Variants in GREM2 observed in about 807,000 individuals in gnomAD.
The protein encoded by GREM2 is gremlin-2.
In GREM2, 11 loss-of-function variants were observed where a neutral mutation model predicts 14.2. That is an observed-to-expected ratio of 0.78 (90% CI 0.49 to 1.28). The LOEUF is 1.28. Ranked by LOEUF, GREM2 falls within the 50% of genes most tolerant of loss-of-function variation. The pLI is 0.00. For synonymous variants in GREM2, 98 were observed against 97.6 expected (o/e 1.00, Z -0.02); for missense variants, 210 against 218.5 (o/e 0.96, Z 0.24).
intron 1 of GREM2, among the ~76,000 whole-genome samples, chr1:240,608,455 C>G (rs112847574): frequency 6.6e-6 from 1 of 152,110 alleles, no homozygotes; most frequent in South Asian, 2.1e-4. Flanking sequence ...ATCCAGGGTT[C>G]GTGTTATAAT....
At chr1:240,497,791 A>G (rs1255133605) in intron 1 of GREM2, among the ~76,000 whole-genome samples, 4 of 152,166 alleles carry the variant, frequency 2.6e-5, no homozygotes, top group African/African-American at 9.7e-5. Flanking sequence ...CAGCTGGCTC[A>G]GGCCAAGTGT....
At chr1:240,609,456 G>C (rs1680090967) in intron 1 of GREM2, among the ~76,000 whole-genome samples, 1 of 151,806 alleles carries the variant, frequency 6.6e-6, no homozygotes, top group Non-Finnish European at 1.5e-5. Flanking sequence ...AGAAACAAAA[G>C]AACTATCAAG....
intron 1 of GREM2, among the ~76,000 whole-genome samples, chr1:240,539,321 C>T (rs1678539942): frequency 6.6e-6 from 1 of 152,156 alleles, no homozygotes; most frequent in African/African-American, 2.4e-5. Context: ...CCCAACCAGC[C>T]AGGATTTTAT....
At chr1:240,589,447 AAAAAAAAAG>A (rs1358059603) in intron 1 of GREM2, among the ~76,000 whole-genome samples, 1 of 130,790 alleles carries the variant, frequency 7.6e-6, no homozygotes, top group African/African-American at 3.4e-5. Flanking sequence ...GAAAAAAAGA[AAAAAAAAAG>A]AAAAAAAAGA....
At chr1:240,504,560 C>T (rs1481828405) in intron 1 of GREM2, among the ~76,000 whole-genome samples, 1 of 152,100 alleles carries the variant, frequency 6.6e-6, no homozygotes, top group East Asian at 1.9e-4. Context: ...GTGATAGCTC[C>T]CATCCAACCC....
chr1:240,604,858 G>A (rs1401582704), intron 1 of GREM2, among the ~76,000 whole-genome samples: 2 of 152,192 alleles, frequency 1.3e-5, no homozygotes, highest in East Asian at 3.8e-4. Context: ...GGAATAAATA[G>A]TAACTTCTCT....
chr1:240,534,692 C>CAAA (rs5782153), intron 1 of GREM2, among the ~76,000 whole-genome samples: 34 of 115,412 alleles, frequency 2.9e-4, no homozygotes, highest in Non-Finnish European at 5.0e-4. Context: ...GACTCCATCT[C>CAAA]AAAAAAAAAA....
intron 1 of GREM2, among the ~76,000 whole-genome samples, chr1:240,507,267 GCCTGCCTTCCTGCCTTCCTCCCTCCCTC>G (rs1677696663): frequency 6.6e-6 from 1 of 151,878 alleles, no homozygotes. Flanking sequence ...ATTCCTTCCT[GCCTGCCTTCCTGCCTTCCTCCCTCCCTC>G]CCTCCCTTCC....
At chr1:240,592,318 C>T (rs1679730039) in intron 1 of GREM2, among the ~76,000 whole-genome samples, 1 of 151,860 alleles carries the variant, frequency 6.6e-6, no homozygotes, top group Admixed American at 6.6e-5. Flanking sequence ...TTTATTGTGC[C>T]AGTGGACACA....
intron 1 of GREM2, among the ~76,000 whole-genome samples, chr1:240,581,594 A>T (rs989853155): frequency 1.3e-5 from 2 of 152,210 alleles, no homozygotes; most frequent in Non-Finnish European, 2.9e-5. Flanking sequence ...CAAATCAATA[A>T]ATAATTTCTA....
chr1:240,537,282 A>C (rs1678494158), intron 1 of GREM2, among the ~76,000 whole-genome samples: 1 of 152,222 alleles, frequency 6.6e-6, no homozygotes, highest in African/African-American at 2.4e-5. Flanking sequence ...AAAATTAGTT[A>C]TCTTTCTTTG....
intron 1 of GREM2, among the ~76,000 whole-genome samples, chr1:240,539,050 T>A (rs1414646913): frequency 1.3e-5 from 2 of 152,304 alleles, no homozygotes; most frequent in East Asian, 3.9e-4. Flanking sequence ...AGACACCATC[T>A]CATGCTTATA....
At chr1:240,601,630 G>A (rs1003985723) in intron 1 of GREM2, among the ~76,000 whole-genome samples, 3 of 152,136 alleles carry the variant, frequency 2.0e-5, no homozygotes, top group Non-Finnish European at 2.9e-5. Flanking sequence ...TGTTAGGCCC[G>A]GCACGGTGGC....
chr1:240,516,827 T>C (rs1414520581), intron 1 of GREM2, among the ~76,000 whole-genome samples: 1 of 152,192 alleles, frequency 6.6e-6, no homozygotes, highest in African/African-American at 2.4e-5. Context: ...TTGTTACTAC[T>C]GTTATCATGC....
At chr1:240,503,029 A>G (rs541766349) in intron 1 of GREM2, among the ~76,000 whole-genome samples, 1 of 152,318 alleles carries the variant, frequency 6.6e-6, no homozygotes, top group South Asian at 2.1e-4. Flanking sequence ...GTGGTTAGGC[A>G]AGGATGTGAT....
intron 1 of GREM2, among the ~76,000 whole-genome samples, chr1:240,606,677 C>CT (rs1261199860): frequency 0.052 from 6,836 of 131,304 alleles, 378 homozygotes; most frequent in African/African-American, 0.13. Context: ...TGAAACAGTT[C>CT]TTTTTTTTTT....
chr1:240,515,913 G>C (rs930687791), intron 1 of GREM2, among the ~76,000 whole-genome samples: 11 of 152,128 alleles, frequency 7.2e-5, no homozygotes, highest in Non-Finnish European at 1.3e-4. Context: ...AAACCACAGA[G>C]TTAATGCTAA....
chr1:240,509,360 ATTTTTTTTTTT>A (rs564246660), intron 1 of GREM2, among the ~76,000 whole-genome samples: 5 of 112,040 alleles, frequency 4.5e-5, no homozygotes, highest in Admixed American at 1.0e-4. Context: ...AGCTCATTTG[ATTTTTTTTTTT>A]TTTTTTTTTT....
intron 1 of GREM2, among the ~76,000 whole-genome samples, chr1:240,510,285 G>C (rs975401765): frequency 7.0e-6 from 1 of 142,930 alleles, no homozygotes; most frequent in Non-Finnish European, 1.5e-5. Context: ...CAGGAGAATG[G>C]CGTGAACCGG....
Sources: allele counts gnomAD v4.1 joint callset (sites outside exome capture counted in the v4.1 genomes callset), GRCh38; gene constraint gnomAD v4.1.1; transcripts MANE v1.5; gene names NCBI Gene and HGNC (gene_info 2026-07-23, HGNC 2026-07-21).